Variants in NOS1AP observed in about 807,000 individuals in gnomAD.
NOS1AP encodes carboxyl-terminal PDZ ligand of neuronal nitric oxide synthase protein.
Under a neutral mutation model 56.2 loss-of-function variants are expected in NOS1AP, and 21 were observed. The ratio of observed to expected loss-of-function variants is 0.37; its 90% CI spans 0.26 to 0.54. The LOEUF (loss-of-function observed/expected upper bound fraction) is 0.54. Ranked by LOEUF, NOS1AP falls within the 20% of genes least tolerant of loss-of-function variation. The probability of loss-of-function intolerance (pLI) is 0.84; values close to 1 mark genes in which losing one functional copy is unlikely to be tolerated. For synonymous variants in NOS1AP, 270 were observed against 274.6 expected, an observed-to-expected ratio of 0.98 and a Z score of 0.17; for missense variants, 522 against 657.8, an observed-to-expected ratio of 0.79 and a Z score of 2.26.
chr1:162,320,639 A>T (rs1376184603), intron 4 of NOS1AP, among the ~76,000 whole-genome samples: 2 of 152,106 alleles, frequency 1.3e-5, no homozygotes, highest in African/African-American at 4.8e-5. Context: ...GAGGATCACA[A>T]GGTCAAGAGA....
intron 1 of NOS1AP, among the ~76,000 whole-genome samples, chr1:162,114,881 G>A (rs960035853): frequency 9.9e-5 from 15 of 152,170 alleles, no homozygotes; most frequent in Non-Finnish European, 1.6e-4. Context: ...GGGTGGGATG[G>A]TATCTCCTGT....
intron 4 of NOS1AP, among the ~76,000 whole-genome samples, chr1:162,302,505 T>C (rs576985776): frequency 1.3e-5 from 2 of 152,276 alleles, no homozygotes; most frequent in East Asian, 3.9e-4. Context: ...TTGGCTTTAT[T>C]TTCTTAATGC....
chr1:162,329,672 A>T (rs957384680), intron 4 of NOS1AP, among the ~76,000 whole-genome samples: 1 of 152,208 alleles, frequency 6.6e-6, no homozygotes, highest in South Asian at 2.1e-4. Flanking sequence ...TGCTTAAGAA[A>T]ACCAAGTAAT....
At chr1:162,266,734 T>C (rs1406735020) in intron 2 of NOS1AP, among the ~76,000 whole-genome samples, 1 of 152,218 alleles carries the variant, frequency 6.6e-6, no homozygotes, top group African/African-American at 2.4e-5. Flanking sequence ...AATGCTAGCT[T>C]TCTGTTATAA....
intron 2 of NOS1AP, among the ~76,000 whole-genome samples, chr1:162,161,567 A>G (rs1041131322): frequency 5.3e-5 from 8 of 152,084 alleles, no homozygotes; most frequent in African/African-American, 1.9e-4. Context: ...CATGTGGATT[A>G]TGAACCATAA....
At chr1:162,081,755 GAT>G (rs201239710) in intron 1 of NOS1AP, among the ~76,000 whole-genome samples, 17 of 71,606 alleles carry the variant, frequency 2.4e-4, no homozygotes, top group South Asian at 1.4e-3. Context: ...TATATCTATA[GAT>G]ATATATATAT....
At chr1:162,278,066 A>G (rs555757232) in intron 2 of NOS1AP, among the ~76,000 whole-genome samples, 4 of 152,120 alleles carry the variant, frequency 2.6e-5, no homozygotes, top group Non-Finnish European at 5.9e-5. Flanking sequence ...TCCATTTTAG[A>G]ACTTTCCCCA....
intron 2 of NOS1AP, among the ~76,000 whole-genome samples, chr1:162,169,226 C>A (rs1650648679): frequency 6.6e-6 from 1 of 152,226 alleles, no homozygotes; most frequent in Non-Finnish European, 1.5e-5. Context: ...CTGCTGTTTT[C>A]TGACCAATCC....
At chr1:162,231,564 A>T (rs530217482) in intron 2 of NOS1AP, among the ~76,000 whole-genome samples, 2 of 152,190 alleles carry the variant, frequency 1.3e-5, no homozygotes, top group African/African-American at 4.8e-5. Context: ...TAAAATATTC[A>T]ATATGTCATC....
intron 1 of NOS1AP, among the ~76,000 whole-genome samples, chr1:162,071,881 A>G (rs1420320846): frequency 6.6e-6 from 1 of 152,168 alleles, no homozygotes; most frequent in Non-Finnish European, 1.5e-5. Context: ...GTAAGAGGGT[A>G]AGAAGGGAGA....
At chr1:162,246,325 G>C (rs921735333) in intron 2 of NOS1AP, among the ~76,000 whole-genome samples, 3 of 152,092 alleles carry the variant, frequency 2.0e-5, no homozygotes, top group Admixed American at 1.3e-4. Flanking sequence ...CAATGTGCAG[G>C]GACAGTACAG....
chr1:162,199,592 T>TTGTGTG, intron 2 of NOS1AP, among the ~76,000 whole-genome samples: 1 of 131,690 alleles, frequency 7.6e-6, no homozygotes. Flanking sequence ...AGAGCATGGA[T>TTGTGTG]TGCGTGTGTG....
chr1:162,168,446 C>T (rs1479870978), intron 2 of NOS1AP, among the ~76,000 whole-genome samples: 2 of 152,194 alleles, frequency 1.3e-5, no homozygotes, highest in Admixed American at 1.3e-4. Context: ...CTCTTTGGTC[C>T]TCAGCCAGGC....
chr1:162,086,672 A>G (rs1212338688), intron 1 of NOS1AP, among the ~76,000 whole-genome samples: 1 of 152,022 alleles, frequency 6.6e-6, no homozygotes, highest in Non-Finnish European at 1.5e-5. Flanking sequence ...GCTCTTACCC[A>G]CTGTAGTGAT....
At chr1:162,177,389 C>T (rs577274333) in intron 2 of NOS1AP, among the ~76,000 whole-genome samples, 49 of 152,218 alleles carry the variant, frequency 3.2e-4, no homozygotes, top group South Asian at 6.2e-4. Flanking sequence ...GGAGAGAGGC[C>T]GGCCCACGCA....
At chr1:162,247,688 T>A (rs1653708967) in intron 2 of NOS1AP, among the ~76,000 whole-genome samples, 1 of 150,494 alleles carries the variant, frequency 6.6e-6, no homozygotes, top group Non-Finnish European at 1.5e-5. Context: ...ATAATTTTTG[T>A]CCCGTCCCCC....
At position 162,070,265 on chromosome 1, in the gene NOS1AP, A is replaced by G. The variant is rs761661228; in HGVS notation, c.88A>G (p.Ile30Val). Residue 30 changes from isoleucine (I) to valine (V), a missense_variant, in exon 1 of 10, where the codon ATC (isoleucine) becomes GTC (valine). This residue lies in a region of NOS1AP where 132 missense variants were observed against 218.1 expected (regional missense o/e 0.61). Transcript: ENST00000361897. The part of the protein sequence containing the change: ...LHNEDAFQHG[I>V]CFEAKYVGSL... ...CAACGAGGACGCCTTCCAGCACGGC[A>G]TCTGCTTTGAGGCCAAGGTGAGGGG... 8 of 1,613,496 alleles carry G rather than the reference A, an allele frequency of 5.0e-6. No homozygotes were observed. Among genetic ancestry groups the G allele is most frequent in the Non-Finnish European group, 6.8e-6 (8 of 1,179,734 alleles).
At chr1:162,356,472 C>G (rs1657708869) in intron 7 of NOS1AP, among the ~76,000 whole-genome samples, 2 of 152,176 alleles carry the variant, frequency 1.3e-5, no homozygotes, top group African/African-American at 4.8e-5. Flanking sequence ...CTCCAGGACC[C>G]AGCTCCACGC....
chr1:162,211,065 A>G (rs1019886391), intron 2 of NOS1AP, among the ~76,000 whole-genome samples: 1 of 152,202 alleles, frequency 6.6e-6, no homozygotes, highest in African/African-American at 2.4e-5. Context: ...ACCCAGGCAG[A>G]TCTTCACATG....
Sources: allele counts gnomAD v4.1 joint callset (sites outside exome capture counted in the v4.1 genomes callset), GRCh38; gene constraint gnomAD v4.1.1; regional missense constraint gnomAD v4.1.1; transcripts MANE v1.5; gene names NCBI Gene and HGNC (gene_info 2026-07-23, HGNC 2026-07-21).